The following PTPRK variants were observed in gnomAD, a reference collection of about 807,000 sequenced individuals.
PTPRK encodes the protein receptor-type tyrosine-protein phosphatase kappa.
A neutral mutation model predicts 178.0 loss-of-function variants in PTPRK; 75 were observed. The observed-to-expected ratio is 0.42, with a 90% CI of 0.35 to 0.51. The LOEUF (loss-of-function observed/expected upper bound fraction) is 0.51. Ranked by LOEUF, PTPRK falls within the 20% of genes least tolerant of loss-of-function variation. The pLI, the probability that PTPRK is intolerant of heterozygous loss-of-function variation, is 0.02. For missense variants in PTPRK, 1,441 were observed against 1,797.8 expected (o/e 0.80, Z 3.59); for synonymous variants, 637 against 620.6 (o/e 1.03, Z -0.39).
chr6:128,367,531 C>T (rs1199061748), intron 2 of PTPRK, among the ~76,000 whole-genome samples: 1 of 152,074 alleles, frequency 6.6e-6, no homozygotes, highest in Non-Finnish European at 1.5e-5. Flanking sequence ...ATACCCTGGC[C>T]CTCACTTAAA....
intron 1 of PTPRK, among the ~76,000 whole-genome samples, chr6:128,421,850 T>A (rs1344976345): frequency 6.6e-6 from 1 of 152,206 alleles, no homozygotes; most frequent in East Asian, 1.9e-4. Context: ...GTAAAAAGCA[T>A]TTGGGTTTCG....
At chr6:128,388,646 G>A (rs1839115676) in intron 2 of PTPRK, among the ~76,000 whole-genome samples, 1 of 152,120 alleles carries the variant, frequency 6.6e-6, no homozygotes, top group Non-Finnish European at 1.5e-5. Flanking sequence ...TATATACCTG[G>A]ATTCCTAGCC....
chr6:128,310,374 G>T (rs1827055764), intron 3 of PTPRK, among the ~76,000 whole-genome samples: 1 of 152,156 alleles, frequency 6.6e-6, no homozygotes, highest in African/African-American at 2.4e-5. Flanking sequence ...ATTTCAGTTA[G>T]CATAGTGATA....
At chr6:128,457,802 C>T in intron 1 of PTPRK, among the ~76,000 whole-genome samples, 1 of 152,000 alleles carries the variant, frequency 6.6e-6, no homozygotes, top group East Asian at 1.9e-4. Context: ...CAGATATGTG[C>T]CTAAATCATG....
At chr6:127,980,258 C>T (rs931510071) in intron 25 of PTPRK, among the ~76,000 whole-genome samples, 15 of 151,918 alleles carry the variant, frequency 9.9e-5, no homozygotes, top group African/African-American at 3.4e-4. Flanking sequence ...TGCAGTGAGC[C>T]GAGATTGTGC....
At chr6:128,217,354 T>TA (rs1809520493) in intron 6 of PTPRK, among the ~76,000 whole-genome samples, 1 of 152,130 alleles carries the variant, frequency 6.6e-6, no homozygotes, top group Non-Finnish European at 1.5e-5. Flanking sequence ...AAAGTTTTTT[T>TA]AAAAAATGAG....
In PTPRK at chr6:128,017,802, G is replaced by GTATGTATA. The variant is rs1554268827; in HGVS notation, c.2195-8535_2195-8534insTATACATA. On this transcript the variant is annotated intron_variant, in intron 13 of 29. Coordinates refer to ENST00000368226, the MANE Select transcript of PTPRK (RefSeq NM_002844.4). ...TACATATATAAATAAATATATATGT[G>GTATGTATA]TATATATATATATATATATATATAT... Among the ~76,000 whole-genome samples, 11 of 101,260 alleles carry GTATGTATA rather than the reference G, an allele frequency of 1.1e-4. 1 individual carries two copies. The highest frequency in any genetic ancestry group is 6.1e-4 in the East Asian group (2 of 3,254). The allele number at this position is 101,260 out of a possible 152,430, so 66.4% of individuals were successfully genotyped here. A position where few individuals can be genotyped will look rare whatever the true frequency, so the allele number is the denominator to read the frequency against.
intron 7 of PTPRK, among the ~76,000 whole-genome samples, chr6:128,177,854 A>C (rs1417265724): frequency 6.6e-6 from 1 of 151,842 alleles, no homozygotes; most frequent in South Asian, 2.1e-4. Context: ...ATAGAAATTT[A>C]GAATAACATT....
intron 1 of PTPRK, among the ~76,000 whole-genome samples, chr6:128,432,102 C>T (rs566436007): frequency 7.8e-4 from 119 of 152,250 alleles, no homozygotes; most frequent in African/African-American, 2.8e-3. Flanking sequence ...TTGTCATAAA[C>T]CATTGTGATC....
chr6:128,501,529 A>G (rs960285600), intron 1 of PTPRK, among the ~76,000 whole-genome samples: 3 of 152,230 alleles, frequency 2.0e-5, no homozygotes, highest in Non-Finnish European at 4.4e-5. Context: ...TTTAGACACT[A>G]GGTTTTTTGT....
chr6:128,042,240 A>G (rs944211493), intron 13 of PTPRK, among the ~76,000 whole-genome samples: 1 of 152,078 alleles, frequency 6.6e-6, no homozygotes, highest in African/African-American at 2.4e-5. Flanking sequence ...CAATTACAGT[A>G]AGACCACACT....
At chr6:128,276,241 C>A (rs1562186585) in intron 3 of PTPRK, among the ~76,000 whole-genome samples, 1 of 151,994 alleles carries the variant, frequency 6.6e-6, no homozygotes, top group Non-Finnish European at 1.5e-5. Flanking sequence ...CTTTATTTGT[C>A]TACTAATAGC....
chr6:128,227,507 G>C (rs777437696), intron 5 of PTPRK, among the ~76,000 whole-genome samples: 2 of 152,162 alleles, frequency 1.3e-5, no homozygotes, highest in African/African-American at 4.8e-5. Flanking sequence ...ATAACTCAAA[G>C]CAACAGAAGA....
chr6:127,988,210 AAGAG>A (rs1776192109), intron 21 of PTPRK, among the ~76,000 whole-genome samples: 1 of 151,746 alleles, frequency 6.6e-6, no homozygotes, highest in Non-Finnish European at 1.5e-5. Context: ...GGAAGAGAGG[AAGAG>A]AGAGAAGAAA....
chr6:128,379,910 CTTG>C (rs1248518959), intron 2 of PTPRK, among the ~76,000 whole-genome samples: 1 of 152,004 alleles, frequency 6.6e-6, no homozygotes, highest in Non-Finnish European at 1.5e-5. Flanking sequence ...TATTTGTGTG[CTTG>C]TTGGTTTGTT....
At chr6:128,282,612 C>T (rs1398282337) in intron 3 of PTPRK, among the ~76,000 whole-genome samples, 6 of 152,262 alleles carry the variant, frequency 3.9e-5, no homozygotes, top group Non-Finnish European at 7.4e-5. Context: ...CCAAGGGATT[C>T]GGTTTACATC....
intron 1 of PTPRK, among the ~76,000 whole-genome samples, chr6:128,434,397 C>A (rs1845242981): frequency 6.6e-6 from 1 of 152,146 alleles, no homozygotes; most frequent in Admixed American, 6.5e-5. Flanking sequence ...TCTGAACCTC[C>A]CTTTCAACGT....
chr6:128,391,725 T>C (rs1399082880), intron 2 of PTPRK, among the ~76,000 whole-genome samples: 1 of 152,026 alleles, frequency 6.6e-6, no homozygotes, highest in African/African-American at 2.4e-5. Flanking sequence ...TAAGTCAACA[T>C]AACTTCCTTG....
At chr6:128,346,934 A>C (rs1832508664) in intron 2 of PTPRK, among the ~76,000 whole-genome samples, 1 of 152,192 alleles carries the variant, frequency 6.6e-6, no homozygotes, top group African/African-American at 2.4e-5. Flanking sequence ...ATGCAACAAA[A>C]GTCTGATCTT....
Sources: gnomAD v4.1 joint callset for allele counts (sites outside exome capture counted in the v4.1 genomes callset) on GRCh38, gnomAD v4.1.1 for gene constraint, MANE v1.5 for transcripts, NCBI Gene and HGNC (gene_info 2026-07-23, HGNC 2026-07-21) for gene names.